The following TRAK1 variants were observed in gnomAD, a reference collection of about 807,000 sequenced individuals.
TRAK1 encodes the protein trafficking kinesin-binding protein 1.
A neutral mutation model predicts 92.1 loss-of-function variants in TRAK1; 33 were observed. The observed-to-expected ratio is 0.36, with a 90% confidence interval of 0.27 to 0.48. TRAK1 has a LOEUF of 0.48. Among genes scored for constraint, TRAK1 ranks in the 20% least tolerant of loss-of-function variants. The pLI is 0.99. For synonymous variants in TRAK1, 521 were observed against 517.3 expected, an observed-to-expected ratio of 1.01 and a Z score of -0.10; for missense variants, 1,123 against 1,257.9, an observed-to-expected ratio of 0.89 and a Z score of 1.62.
In TRAK1 at chr3:42,191,649, ACTG is replaced by A; in HGVS notation, c.769+17_769+19del. The A allele has an allele frequency of 6.3e-7, 1 of 1,589,000 alleles. No individual in the cohort carries two copies. Among genetic ancestry groups the A allele is most frequent in the Non-Finnish European group, 8.6e-7 (1 of 1,166,944 alleles). On this transcript the variant is annotated intron_variant, in intron 7 of 15. Coordinates refer to ENST00000327628, the MANE Select transcript of TRAK1 (RefSeq NM_001042646.3). ...GTGAAGGAGCTGAGTATGTCCCCGC[ACTG>A]CTGTCTTCTTACTTCCTTGCATCTG...
At chr3:42,149,707 G>T in intron 2 of TRAK1, 1 of 1,406,386 alleles carries the variant, frequency 7.1e-7, no homozygotes, top group Non-Finnish European at 9.6e-7. Context: ...TGGCGGGTGG[G>T]AGGTACCAGA....
intron 1 of TRAK1, among the ~76,000 whole-genome samples, chr3:42,066,426 GGA>G (rs138060933): frequency 2.7e-4 from 40 of 149,168 alleles, no homozygotes; most frequent in South Asian, 6.4e-4. Context: ...GGATGGTCAT[GGA>G]GAGAGAGAGA....
chr3:42,187,682 G>A (rs1236252149), intron 4 of TRAK1, among the ~76,000 whole-genome samples: 1 of 152,058 alleles, frequency 6.6e-6, no homozygotes, highest in East Asian at 1.9e-4. Flanking sequence ...GGTCAGGCTG[G>A]TCTCGAACTC....
At chr3:42,169,984 G>C (rs755980343) in intron 2 of TRAK1, among the ~76,000 whole-genome samples, 1 of 152,220 alleles carries the variant, frequency 6.6e-6, no homozygotes, top group Non-Finnish European at 1.5e-5. Flanking sequence ...CAGTCCGTAC[G>C]AGAAGGAAAT....
intron 2 of TRAK1, among the ~76,000 whole-genome samples, chr3:42,135,124 T>C (rs762568653): frequency 6.6e-6 from 1 of 152,196 alleles, no homozygotes; most frequent in South Asian, 2.1e-4. Context: ...CCACTTCTTG[T>C]GTTTCATGCC....
chr3:42,067,736 G>A (rs528823701), intron 1 of TRAK1, among the ~76,000 whole-genome samples: 1 of 152,166 alleles, frequency 6.6e-6, no homozygotes, highest in East Asian at 1.9e-4. Flanking sequence ...TGCGACAGTT[G>A]GTTCAGTGAA....
chr3:42,121,864 C>T (rs997840060), intron 1 of TRAK1, among the ~76,000 whole-genome samples: 34 of 152,072 alleles, frequency 2.2e-4, no homozygotes, highest in African/African-American at 7.2e-4. Flanking sequence ...GTCGCCCAGG[C>T]TGGAGTGCAG....
At chr3:42,036,500 C>T (rs28635124) in intron 1 of TRAK1, among the ~76,000 whole-genome samples, 8,426 of 152,146 alleles carry the variant, frequency 0.055, 754 homozygotes, top group African/African-American at 0.19. Context: ...GGTACTGGCT[C>T]ATTGGAGCAG....
upstream of TRAK1, among the ~76,000 whole-genome samples, chr3:42,083,450 G>A (rs1215366206): frequency 1.3e-5 from 2 of 152,188 alleles, no homozygotes; most frequent in Non-Finnish European, 2.9e-5. Context: ...CCCATGAGGT[G>A]TCATCAGCAG....
chr3:42,185,973 C>CTTTTTTTTTTTT (rs1054954407), intron 4 of TRAK1, among the ~76,000 whole-genome samples: 1 of 83,964 alleles, frequency 1.2e-5, no homozygotes, highest in Non-Finnish European at 2.2e-5. Flanking sequence ...TGTGCCCAGC[C>CTTTTTTTTTTTT]TTTTTTTTTT....
At chr3:42,181,131 G>A (rs1038393793) in intron 3 of TRAK1, among the ~76,000 whole-genome samples, 2 of 152,190 alleles carry the variant, frequency 1.3e-5, no homozygotes, top group African/African-American at 4.8e-5. Flanking sequence ...GTTTCTGGCC[G>A]TTTGTGTGCT....
chr3:42,218,736 T>G, intron 14 of TRAK1: 1 of 985,376 alleles, frequency 1.0e-6, no homozygotes, highest in Non-Finnish European at 1.2e-6. Context: ...GAGAACAACT[T>G]GTTGCCATCC....
chr3:42,047,362 A>ATT (rs58871625), intron 1 of TRAK1, among the ~76,000 whole-genome samples: 1 of 139,750 alleles, frequency 7.2e-6, no homozygotes. Flanking sequence ...TGCCCGGGTG[A>ATT]TTTTTTTTTT....
chr3:42,167,331 C>T (rs1484547807), intron 2 of TRAK1, among the ~76,000 whole-genome samples: 3 of 152,162 alleles, frequency 2.0e-5, no homozygotes, highest in African/African-American at 4.8e-5. Flanking sequence ...ACTCAGCTGC[C>T]TTCATGTGAC....
chr3:42,053,395 T>TGGG (rs1703067211), intron 1 of TRAK1, among the ~76,000 whole-genome samples: 26 of 49,250 alleles, frequency 5.3e-4, no homozygotes, highest in South Asian at 1.6e-3. Context: ...GGGCGGGGGA[T>TGGG]GGCAAAGGGG....
chr3:42,160,558 G>GTTTTTTTTTTTTTTTTTTTTTTTTTTTTT (rs11370773), intron 2 of TRAK1: 1 of 1,054,782 alleles, frequency 9.5e-7, no homozygotes, highest in Admixed American at 3.0e-5. Context: ...TCATAGCACT[G>GTTTTTTTTTTTTTTTTTTTTTTTTTTTTT]TTTTGTTTTT....
chr3:42,105,963 A>C (rs1707488381), intron 1 of TRAK1, among the ~76,000 whole-genome samples: 4 of 152,180 alleles, frequency 2.6e-5, no homozygotes, highest in African/African-American at 4.8e-5. Context: ...ACAGACAAAC[A>C]AATGCTGAGA....
At chr3:42,130,903 C>T (rs900075677) in intron 2 of TRAK1, among the ~76,000 whole-genome samples, 1 of 152,088 alleles carries the variant, frequency 6.6e-6, no homozygotes, top group Non-Finnish European at 1.5e-5. Flanking sequence ...TATGTGGGGC[C>T]AGGAATTGTG....
chr3:42,107,577 T>A (rs1379640115), intron 1 of TRAK1, among the ~76,000 whole-genome samples: 1 of 151,704 alleles, frequency 6.6e-6, no homozygotes, highest in Non-Finnish European at 1.5e-5. Context: ...AACTCCCAGA[T>A]TAGAACAGTA....
Sources: gnomAD v4.1 joint callset for allele counts (sites outside exome capture counted in the v4.1 genomes callset) on GRCh38, gnomAD v4.1.1 for gene constraint, MANE v1.5 for transcripts, NCBI Gene and HGNC (gene_info 2026-07-23, HGNC 2026-07-21) for gene names.